PTPRG: variants seen among roughly 807,000 people sequenced by gnomAD.
PTPRG encodes protein tyrosine phosphatase receptor type G.
In PTPRG, 102 loss-of-function variants were observed where a neutral mutation model predicts 165.3. The observed-to-expected ratio is 0.62, with a 90% CI of 0.53 to 0.73. PTPRG has a LOEUF of 0.73. PTPRG is among the 30% of genes least tolerant of loss of function. The pLI is 0.00. For synonymous variants in PTPRG, 675 were observed against 669.5 expected, an observed-to-expected ratio of 1.01 and a Z score of -0.13; for missense variants, 1,866 against 1,861.4, an observed-to-expected ratio of 1.00 and a Z score of -0.05.
chr3:62,289,709 C>CT (rs1553670285), intron 28 of PTPRG, among the ~76,000 whole-genome samples: 1 of 122,666 alleles, frequency 8.2e-6, no homozygotes, highest in Admixed American at 8.0e-5. Context: ...CCCCCCCCCC[C>CT]AAAAAAAACA....
At chr3:61,565,508 A>G (rs1019192590) in intron 1 of PTPRG, among the ~76,000 whole-genome samples, 2 of 152,086 alleles carry the variant, frequency 1.3e-5, no homozygotes, top group African/African-American at 2.4e-5. Flanking sequence ...ACTCTGATAC[A>G]TATCTCCAAT....
At chr3:61,957,388 T>C (rs1469677633) in intron 2 of PTPRG, among the ~76,000 whole-genome samples, 1 of 152,252 alleles carries the variant, frequency 6.6e-6, no homozygotes, top group Non-Finnish European at 1.5e-5. Context: ...GTGATCAATA[T>C]TTCTTTCTCA....
At chr3:61,954,540 C>A (rs2039990965) in intron 2 of PTPRG, among the ~76,000 whole-genome samples, 1 of 152,000 alleles carries the variant, frequency 6.6e-6, no homozygotes, top group African/African-American at 2.4e-5. Context: ...TAGGGACCTT[C>A]AGAGATTCGT....
rs564364073 is a variant in PTPRG, at chr3:62,215,886, G to A, written c.2156-2965G>A. Among the ~76,000 whole-genome samples, 20 of 152,286 alleles carry A rather than the reference G, an allele frequency of 1.3e-4. 1 individual carries two copies. Among genetic ancestry groups the A allele is most frequent in the Middle Eastern group, 3.4e-3 (1 of 294 alleles). On this transcript the variant is annotated intron_variant, in intron 12 of 29. Coordinates refer to ENST00000474889, the MANE Select transcript of PTPRG (RefSeq NM_002841.4). ...CACTCCCTAACCCCTTCCCAAGGCC[G>A]AGAAATTCTGGAGTGGTCACTTTTC... is the stretch of plus-strand genomic sequence containing the variant.
At chr3:61,618,272 TTAAA>T (rs533262509) in intron 1 of PTPRG, among the ~76,000 whole-genome samples, 55 of 152,110 alleles carry the variant, frequency 3.6e-4, no homozygotes, top group Non-Finnish European at 6.9e-4. Context: ...ATATAAAAAA[TTAAA>T]TAAAGTTTAT....
At chr3:62,100,014 G>A (rs1702237406) in intron 5 of PTPRG, among the ~76,000 whole-genome samples, 1 of 151,910 alleles carries the variant, frequency 6.6e-6, no homozygotes, top group African/African-American at 2.4e-5. Context: ...GACCAGGCTG[G>A]TCTTGAACTC....
chr3:61,775,089 G>A (rs1458460841), intron 2 of PTPRG, among the ~76,000 whole-genome samples: 2 of 151,976 alleles, frequency 1.3e-5, no homozygotes, highest in Non-Finnish European at 2.9e-5. Context: ...TGTTGTTGTT[G>A]AGACAGAGTC....
intron 4 of PTPRG, among the ~76,000 whole-genome samples, chr3:62,033,913 G>A (rs939109482): frequency 1.3e-5 from 2 of 152,026 alleles, no homozygotes; most frequent in Non-Finnish European, 2.9e-5. Context: ...GACTACAGGC[G>A]CCCGCTAATG....
chr3:61,611,433 T>TA (rs1219495750), intron 1 of PTPRG, among the ~76,000 whole-genome samples: 8 of 152,276 alleles, frequency 5.3e-5, no homozygotes, highest in South Asian at 2.1e-4. Flanking sequence ...GACTGGTAAG[T>TA]AAAAAAAACT....
intron 3 of PTPRG, among the ~76,000 whole-genome samples, chr3:61,991,996 G>A (rs1230097560): frequency 6.6e-6 from 1 of 152,192 alleles, no homozygotes; most frequent in Non-Finnish European, 1.5e-5. Flanking sequence ...ATATCTCTGA[G>A]TGCATGCACT....
chr3:61,654,345 C>G (rs528627897), intron 1 of PTPRG, among the ~76,000 whole-genome samples: 80 of 152,134 alleles, frequency 5.3e-4, no homozygotes, highest in Non-Finnish European at 9.9e-4. Flanking sequence ...CTTTGAGGCT[C>G]TGTTGTTAGG....
chr3:62,279,699 T>C (rs1702361211), intron 26 of PTPRG, among the ~76,000 whole-genome samples: 1 of 152,106 alleles, frequency 6.6e-6, no homozygotes, highest in Non-Finnish European at 1.5e-5. Flanking sequence ...CCCCTTATGC[T>C]GAGCTTTAAA....
At chr3:62,204,360 A>C (rs1236078101) in intron 12 of PTPRG, among the ~76,000 whole-genome samples, 1 of 152,184 alleles carries the variant, frequency 6.6e-6, no homozygotes, top group African/African-American at 2.4e-5. Context: ...AGGGGATCCT[A>C]GTCCCTGCCT....
At chr3:61,920,946 G>A (rs1202991608) in intron 2 of PTPRG, among the ~76,000 whole-genome samples, 2 of 152,022 alleles carry the variant, frequency 1.3e-5, no homozygotes, top group African/African-American at 4.8e-5. Flanking sequence ...GTTTTCCTTT[G>A]GTGTCTCCTA....
chr3:61,683,811 C>T (rs1703529989), intron 1 of PTPRG, among the ~76,000 whole-genome samples: 1 of 152,314 alleles, frequency 6.6e-6, no homozygotes, highest in East Asian at 1.9e-4. Context: ...TAAAACCACA[C>T]TTTAAAAACT....
intron 6 of PTPRG, among the ~76,000 whole-genome samples, chr3:62,139,532 A>G (rs748656918): frequency 2.2e-4 from 34 of 152,214 alleles, no homozygotes; most frequent in Non-Finnish European, 4.7e-4. Flanking sequence ...GGTCAGAGCT[A>G]GACGGCTGCT....
chr3:62,149,403 A>G (rs1408206710), intron 6 of PTPRG, among the ~76,000 whole-genome samples: 3 of 151,502 alleles, frequency 2.0e-5, no homozygotes, highest in African/African-American at 7.3e-5. Flanking sequence ...CCTCCCAACA[A>G]GCTGGGACTA....
At chr3:61,979,082 A>G (rs2040575557) in intron 2 of PTPRG, among the ~76,000 whole-genome samples, 1 of 152,198 alleles carries the variant, frequency 6.6e-6, no homozygotes, top group Non-Finnish European at 1.5e-5. Flanking sequence ...GATATAGTGA[A>G]TATTCTCCAA....
chr3:62,079,115 G>A (rs780848741), intron 5 of PTPRG, among the ~76,000 whole-genome samples: 2 of 152,196 alleles, frequency 1.3e-5, no homozygotes, highest in East Asian at 1.9e-4. Flanking sequence ...TCTCCAACAC[G>A]TCTTTGACAT....
Sources: allele counts gnomAD v4.1 joint callset (sites outside exome capture counted in the v4.1 genomes callset), GRCh38; gene constraint gnomAD v4.1.1; transcripts MANE v1.5; gene names NCBI Gene and HGNC (gene_info 2026-07-23, HGNC 2026-07-21).